Variants in PCDHGB3 observed in about 807,000 individuals in gnomAD.
PCDHGB3 encodes protocadherin gamma subfamily B, 3.
A neutral mutation model predicts 59.2 loss-of-function variants in PCDHGB3; 40 were observed. That is an observed-to-expected ratio of 0.68 (90% confidence interval 0.52 to 0.88). The LOEUF is 0.88. PCDHGB3 is among the 40% of genes least tolerant of loss of function. The pLI is 0.00. For synonymous variants in PCDHGB3, 581 were observed against 503.6 expected, an observed-to-expected ratio of 1.15 and a Z score of -2.06; for missense variants, 1,309 against 1,187.9, an observed-to-expected ratio of 1.10 and a Z score of -1.50.
intron 1 of PCDHGB3, chr5:141,414,929 C>T (rs2095802879): frequency 6.2e-7 from 1 of 1,614,152 alleles, no homozygotes; most frequent in Non-Finnish European, 8.5e-7. Context: ...GCGCCCCGCT[C>T]CGCAGAGCCC....
intron 1 of PCDHGB3, chr5:141,419,409 A>G: frequency 6.2e-7 from 1 of 1,613,462 alleles, no homozygotes; most frequent in Non-Finnish European, 8.5e-7. Flanking sequence ...GTGTTCGCGC[A>G]GCGCGCCTTC....
chr5:141,489,229 G>A lies in PCDHGB3; in HGVS notation c.2416-5578G>A, dbSNP rs1188849525. 5.9e-6 allele frequency: 9 copies of A among 1,522,134 alleles called. No homozygotes were observed. In the Admixed American group the frequency reaches 6.4e-5, roughly 11 times the overall value. 94.3% of individuals were successfully genotyped at this position (1,522,134 alleles called of 1,614,324 possible). On this transcript the variant is annotated intron_variant, in intron 1 of 3. Transcript: ENST00000576222. The surrounding 1 kb of genome is among the most constrained non-coding windows in gnomAD (Gnocchi z 4.5). The stretch of plus-strand genomic sequence containing the variant: ...AGCACAGACTTACTCTCCACAAAGG[G>A]ACTTCTGGGTCATGGGGCCCAAGAC...
At chr5:141,509,507 T>G (rs2099877110) in intron 3 of PCDHGB3, among the ~76,000 whole-genome samples, 1 of 151,792 alleles carries the variant, frequency 6.6e-6, no homozygotes, top group African/African-American at 2.4e-5. Flanking sequence ...GATGTGACGG[T>G]GTTGATGATG....
rs143737031 is a variant in PCDHGB3 at position 141,454,359 on chromosome 5, G to C, written c.2416-40448G>C. Among the ~76,000 whole-genome samples, 105 of 152,200 alleles carry C rather than the reference G, an allele frequency of 6.9e-4. No individual in the cohort carries two copies. In the East Asian group the frequency reaches 0.014, roughly 20 times the overall value. ...AATGTTGGAAGTTGATCCAAACTTA[G>C]AAAGGAGTATGGCAACTTGTCAAGA... On this transcript the variant is annotated intron_variant, in intron 1 of 3. Coordinates refer to ENST00000576222, the MANE Select transcript of PCDHGB3 (RefSeq NM_018924.5).
At chr5:141,394,359 G>A in intron 1 of PCDHGB3, 3 of 1,614,204 alleles carry the variant, frequency 1.9e-6, no homozygotes, top group Non-Finnish European at 2.5e-6. Context: ...TGTCCTGTAT[G>A]CGCTGCAATC....
At chr5:141,422,280 C>G (rs748287385) in intron 1 of PCDHGB3, 9 of 1,557,754 alleles carry the variant, frequency 5.8e-6, no homozygotes, top group Non-Finnish European at 7.8e-6. Flanking sequence ...TAACTATCAC[C>G]TCTTCTATTA....
At chr5:141,414,230 C>T in intron 1 of PCDHGB3, 5 of 1,613,308 alleles carry the variant, frequency 3.1e-6, no homozygotes, top group Non-Finnish European at 4.2e-6. Flanking sequence ...CCAGAGCTGA[C>T]CATCACGTCT....
At position 141,375,817 on chromosome 5, in the gene PCDHGB3, G is replaced by T. The variant is rs376557886; in HGVS notation, c.2415+3008G>T. 8 of 1,614,164 alleles carry T rather than the reference G, an allele frequency of 5.0e-6. No homozygotes were observed. In the African/African-American group the frequency reaches 9.3e-5, roughly 19 times the overall value. ...ACGGTTCCACTGGCGTGGAGCTGGC[G>T]CCCCGCTCCGCAGAGCCCGGCTACC... On this transcript the variant is annotated intron_variant, in intron 1 of 3. Coordinates refer to ENST00000576222, the MANE Select transcript of PCDHGB3 (RefSeq NM_018924.5).
rs1212381177 is a variant in PCDHGB3 at position 141,438,571 on chromosome 5, TATAC to T, written c.2416-56216_2416-56213del. ...GCCCTAATAAGAGGCAGCTGTCTGATATACATACATACATACATACATATATATA... is the reference window on the plus strand; with the variant it reads ...GCCCTAATAAGAGGCAGCTGTCTGATATACATACATACATACATATATATA... On this transcript the variant is annotated intron_variant, in intron 1 of 3. Transcript: ENST00000576222. 9.4e-4 allele frequency among the ~76,000 whole-genome samples: 89 copies of T among 94,500 alleles called. 1 individual carries two copies. The highest frequency in any genetic ancestry group is 1.8e-3 in the African/African-American group (37 of 20,720). The allele number at this position is 94,500 out of a possible 152,430, so 62.0% of individuals were successfully genotyped here.
At chr5:141,447,238 C>T (rs1028683423) in intron 1 of PCDHGB3, among the ~76,000 whole-genome samples, 1 of 152,148 alleles carries the variant, frequency 6.6e-6, no homozygotes, top group Non-Finnish European at 1.5e-5. Context: ...CTCCCGGGTT[C>T]AAGTGATTCT....
At chr5:141,492,548 C>A (rs1028674110) in intron 1 of PCDHGB3, among the ~76,000 whole-genome samples, 1 of 152,218 alleles carries the variant, frequency 6.6e-6, no homozygotes, top group Non-Finnish European at 1.5e-5. Flanking sequence ...TGGGCCGGGT[C>A]GCCTGGGGGG....
rs2099629299 is a variant in PCDHGB3, at chr5:141,486,426, A to G, written c.2416-8381A>G. ...GCTGGACCCTTGGATCGAGAGGCCA[A>G]ATCTAGCTATGACATCATGGTCACT... On this transcript the variant is annotated intron_variant, in intron 1 of 3. Transcript: ENST00000576222. The surrounding 1 kb of genome is among the most constrained non-coding windows in gnomAD (Gnocchi z 5.0). 1.9e-6 allele frequency: 3 copies of G among 1,614,190 alleles called. No individual in the cohort carries two copies. Among genetic ancestry groups the G allele is most frequent in the Non-Finnish European group, 2.5e-6 (3 of 1,180,026 alleles).
chr5:141,371,082 G>A lies in PCDHGB3; in HGVS notation c.688G>A (p.Val230Ile), dbSNP rs1767471058. The change falls in exon 1 of 4, where the codon GTA becomes ATA. Residue 230 changes from valine (V) to isoleucine (I), a missense_variant. Coordinates refer to ENST00000576222, the MANE Select transcript of PCDHGB3 (RefSeq NM_018924.5). ...CAGAAGCTGTACCACCCAGATCAGG[G>A]TAATTGTCGCAGATGCAAATGATAA... is the stretch of plus-strand genomic sequence containing the variant. Reference protein sequence around the residue: ...PSRSCTTQIRVIVADANDNPP... With the variant: ...PSRSCTTQIRIIVADANDNPP... 1.9e-6 allele frequency: 3 copies of A among 1,613,856 alleles called. No individual in the cohort carries two copies. The highest frequency in any genetic ancestry group is 1.7e-6 in the Non-Finnish European group (2 of 1,179,792).
rs70988802 is a variant in PCDHGB3 at position 141,450,006 on chromosome 5, C to CTATTTTTTTT, written c.2416-44800_2416-44799insATTTTTTTTT. ...CACATTGCATTTAGTTGCCATGTCTCTTTTTTTTTTTTTTTTTTGAGACAG... is the reference window on the plus strand; with the variant it reads ...CACATTGCATTTAGTTGCCATGTCTCTATTTTTTTTTTTTTTTTTTTTTTTTTTGAGACAG... On this transcript the variant is annotated intron_variant, in intron 1 of 3. Transcript: ENST00000576222. Among the ~76,000 whole-genome samples the CTATTTTTTTT allele has an allele frequency of 3.0e-5, 4 of 132,980 alleles. 1 individual carries two copies. The highest frequency in any genetic ancestry group is 5.6e-5 in the African/African-American group (2 of 35,572). 87.2% of individuals were successfully genotyped at this position (132,980 alleles called of 152,430 possible). A position where few individuals can be genotyped will look rare whatever the true frequency, so the allele number is the denominator to read the frequency against.
At chr5:141,385,323 G>C (rs1781122610) in intron 1 of PCDHGB3, 1 of 1,607,092 alleles carries the variant, frequency 6.2e-7, no homozygotes, top group Non-Finnish European at 8.5e-7. Flanking sequence ...CAAGTATTCA[G>C]GTGAGCCCAG....
At chr5:141,397,195 G>T (rs2093485269) in intron 1 of PCDHGB3, among the ~76,000 whole-genome samples, 1 of 152,150 alleles carries the variant, frequency 6.6e-6, no homozygotes, top group Non-Finnish European at 1.5e-5. Context: ...TACTGTAAAA[G>T]ATATGACATA....
In PCDHGB3 at chr5:141,452,847, T is replaced by G. The variant is rs575815407; in HGVS notation, c.2416-41960T>G. Among the ~76,000 whole-genome samples, 42 of 152,304 alleles carry G rather than the reference T, an allele frequency of 2.8e-4. 1 individual carries two copies. Among genetic ancestry groups the G allele is most frequent in the Admixed American group, 2.5e-3 (38 of 15,302 alleles). ...AAATCACTTGGTCCAGCCCACACTC[T>G]GGGGAGATGATTTTCTAACTCCATT... On this transcript the variant is annotated intron_variant, in intron 1 of 3. Coordinates refer to ENST00000576222, the MANE Select transcript of PCDHGB3 (RefSeq NM_018924.5).
chr5:141,491,168 A>G lies in PCDHGB3; in HGVS notation c.2416-3639A>G. On this transcript the variant is annotated intron_variant, in intron 1 of 3. Coordinates refer to ENST00000576222, the MANE Select transcript of PCDHGB3 (RefSeq NM_018924.5). The surrounding 1 kb of genome is among the most constrained non-coding windows in gnomAD (Gnocchi z 6.9). Reference sequence around the variant, plus strand: ...CTGGAGGATGACTCTGACACCCAGCAGGTGGTGGTCCTGGTGAGGGACAAT... The same window carrying G: ...CTGGAGGATGACTCTGACACCCAGCGGGTGGTGGTCCTGGTGAGGGACAAT... 2 of 1,614,160 alleles carry G rather than the reference A, an allele frequency of 1.2e-6. No homozygotes were observed.
intron 1 of PCDHGB3, chr5:141,404,061 A>G (rs375910829): frequency 9.9e-6 from 16 of 1,613,906 alleles, no homozygotes; most frequent in African/African-American, 4.0e-5. Flanking sequence ...CTTCTTTTCA[A>G]TGCTCATGAC....
Sources: allele counts gnomAD v4.1 joint callset (sites outside exome capture counted in the v4.1 genomes callset), GRCh38; gene constraint gnomAD v4.1.1; non-coding constraint Gnocchi (gnomAD v3.1); transcripts MANE v1.5; gene names NCBI Gene and HGNC (gene_info 2026-07-23, HGNC 2026-07-21).